The following BCL2L11 variants were observed in gnomAD, a reference collection of about 807,000 sequenced individuals.
BCL2L11 encodes the protein bcl-2-like protein 11.
In BCL2L11, 15 loss-of-function variants were observed where a neutral mutation model predicts 20.6. The ratio of observed to expected loss-of-function variants is 0.73; its 90% CI spans 0.49 to 1.12. The LOEUF (loss-of-function observed/expected upper bound fraction) is 1.12. Among genes scored for constraint, BCL2L11 ranks in the 50% most tolerant of loss-of-function variants. The probability of loss-of-function intolerance (pLI) is 0.00; values close to 1 mark genes in which losing one functional copy is unlikely to be tolerated. For missense variants in BCL2L11, 292 were observed against 260.9 expected (o/e 1.12, Z -0.82); for synonymous variants, 108 against 92.8 (o/e 1.16, Z -0.94).
chr2:111,123,145 G>GGGAGGGAGCACGGGC (rs2071565876), intron 1 of BCL2L11: 1 of 985,018 alleles, frequency 1.0e-6, no homozygotes, highest in East Asian at 1.1e-4. Flanking sequence ...GGGAGCGGGA[G>GGGAGGGAGCACGGGC]GGAGGGAGCA....
chr2:111,136,424 G>C (rs2074903271), intron 2 of BCL2L11, among the ~76,000 whole-genome samples: 1 of 152,194 alleles, frequency 6.6e-6, no homozygotes, highest in South Asian at 2.1e-4. Context: ...TTTCAGTTGG[G>C]AGAGGAAGGA....
At chr2:111,127,320 A>T (rs760273277) in intron 2 of BCL2L11, among the ~76,000 whole-genome samples, 2 of 151,950 alleles carry the variant, frequency 1.3e-5, no homozygotes, top group African/African-American at 2.4e-5. Flanking sequence ...AAAAGTCAGG[A>T]TATGGAGGAA....
chr2:111,152,108 G>C (rs2077326387), intron 3 of BCL2L11, among the ~76,000 whole-genome samples: 2 of 152,182 alleles, frequency 1.3e-5, no homozygotes, highest in South Asian at 4.1e-4. Flanking sequence ...TAAGAGGGTA[G>C]GTGAATACAC....
At chr2:111,126,789 T>C (rs1319345752) in intron 2 of BCL2L11, among the ~76,000 whole-genome samples, 1 of 152,178 alleles carries the variant, frequency 6.6e-6, no homozygotes, top group Non-Finnish European at 1.5e-5. Flanking sequence ...AAAGAAGTCA[T>C]TATGATTGGT....
At chr2:111,143,823 ATAAT>A (rs750038892) in intron 2 of BCL2L11, among the ~76,000 whole-genome samples, 1 of 152,186 alleles carries the variant, frequency 6.6e-6, no homozygotes, top group Non-Finnish European at 1.5e-5. Context: ...GGTGACATGG[ATAAT>A]TAGTTTTTCT....
chr2:111,149,621 T>C (rs920900806), intron 2 of BCL2L11, among the ~76,000 whole-genome samples: 7 of 152,218 alleles, frequency 4.6e-5, no homozygotes, highest in African/African-American at 1.7e-4. Context: ...TGTTTGAAAG[T>C]TATATAGGAA....
intron 2 of BCL2L11, among the ~76,000 whole-genome samples, chr2:111,124,803 A>C (rs2072164300): frequency 6.6e-6 from 1 of 152,248 alleles, no homozygotes; most frequent in South Asian, 2.1e-4. Context: ...ATTTTTGAAA[A>C]TAACACTTTT....
chr2:111,128,886 G>A, intron 2 of BCL2L11: 1 of 1,332,468 alleles, frequency 7.5e-7, no homozygotes, highest in East Asian at 2.6e-5. Flanking sequence ...ATGGCTACTA[G>A]AAAAATGCAC....
chr2:111,155,331 T>C (rs1003879616), intron 3 of BCL2L11, among the ~76,000 whole-genome samples: 1 of 152,180 alleles, frequency 6.6e-6, no homozygotes, highest in Non-Finnish European at 1.5e-5. Context: ...GGTTGCCAGT[T>C]TCTTTCATCA....
chr2:111,140,322 A>G (rs549601074), intron 2 of BCL2L11, among the ~76,000 whole-genome samples: 2 of 152,322 alleles, frequency 1.3e-5, no homozygotes, highest in South Asian at 4.1e-4. Context: ...CGTTCAATAT[A>G]AGGATTTCAG....
intron 2 of BCL2L11, among the ~76,000 whole-genome samples, chr2:111,133,707 G>A (rs2074346575): frequency 6.6e-6 from 1 of 152,162 alleles, no homozygotes; most frequent in Admixed American, 6.5e-5. Flanking sequence ...CTGCTATTGG[G>A]TAGAGTGTTC....
intron 2 of BCL2L11, among the ~76,000 whole-genome samples, chr2:111,126,483 A>G (rs528620273): frequency 3.9e-4 from 60 of 152,240 alleles, no homozygotes; most frequent in African/African-American, 1.4e-3. Flanking sequence ...TACCGAGGTA[A>G]GTTTTCAGTG....
rs573909592 is a variant in BCL2L11, at chr2:111,162,204, A to C, written c.499-1929A>C. ...TTTCTGGGCTGGCACGGCTCTTTGA[A>C]TCCGTGGTAATGGCTTCCTCTGTTG... On this transcript the variant is annotated intron_variant, in intron 3 of 3. Transcript: ENST00000393256. Among the ~76,000 whole-genome samples, 3 of 152,268 alleles carry C rather than the reference A, an allele frequency of 2.0e-5. No individual in the cohort carries two copies. The South Asian group carries it at 6.2e-4, about 32-fold the overall frequency.
In BCL2L11 at chr2:111,150,145, A is replaced by C. The variant is rs1411833536; in HGVS notation, c.496A>C (p.Arg166=). The stretch of plus-strand genomic sequence containing the variant: ...CGAGTTTAACGCTTACTATGCAAGG[A>C]GGGTAATGATGTTTTCTTTACCCGC... The part of the protein sequence containing the change: ...GDEFNAYYAR[R]VFLNNYQAAE... The change falls in exon 3 of 4, where the codon AGG becomes CGG. Residue 166 remains arginine, a splice_region_variant and synonymous_variant. Coordinates refer to ENST00000393256, the MANE Select transcript of BCL2L11 (RefSeq NM_138621.5). The C allele has an allele frequency of 6.2e-7, 1 of 1,613,576 alleles. No homozygotes were observed. Among genetic ancestry groups the C allele is most frequent in the South Asian group, 1.1e-5 (1 of 91,066 alleles).
At chr2:111,159,219 C>CT (rs1489083703) in intron 3 of BCL2L11, among the ~76,000 whole-genome samples, 1 of 152,222 alleles carries the variant, frequency 6.6e-6, no homozygotes, top group Non-Finnish European at 1.5e-5. Context: ...TTCTTTCCTG[C>CT]TTCTGGCATT....
intron 3 of BCL2L11, among the ~76,000 whole-genome samples, chr2:111,151,371 T>C (rs2077237103): frequency 6.6e-6 from 1 of 152,260 alleles, no homozygotes; most frequent in South Asian, 2.1e-4. Context: ...TCAGTTGATT[T>C]ATCCAAAAGG....
intron 3 of BCL2L11, 28 bp downstream of exon 3, chr2:111,150,175 C>G (rs770191892): frequency 5.6e-6 from 9 of 1,609,244 alleles, no homozygotes; most frequent in Non-Finnish European, 7.6e-6. Flanking sequence ...ACCCGCTTTT[C>G]TGCTCACACC....
In BCL2L11 at chr2:111,166,941, C is replaced by T. The variant is rs2079050817; in HGVS notation, c.*2710C>T. On this transcript the variant is annotated 3_prime_UTR_variant, in exon 4 of 4. Coordinates refer to ENST00000393256, the MANE Select transcript of BCL2L11 (RefSeq NM_138621.5). ...AAATGTCTGTGTGCAATTGTGTTTC[C>T]TTTACCTTGTAAAATTTTGTACAGC... 1 of 152,502 alleles carries T rather than the reference C, an allele frequency of 6.6e-6. No homozygotes were observed. Among genetic ancestry groups the T allele is most frequent in the African/African-American group, 2.4e-5 (1 of 41,392 alleles). The allele number at this position is 152,502 out of a possible 1,614,324, so 9.4% of individuals were successfully genotyped here.
intron 2 of BCL2L11, among the ~76,000 whole-genome samples, chr2:111,136,317 C>G (rs771309455): frequency 6.6e-6 from 1 of 152,176 alleles, no homozygotes; most frequent in Non-Finnish European, 1.5e-5. Context: ...TCCCTCAAGT[C>G]CTGAGGTCCC....
Sources: gnomAD v4.1 joint callset for allele counts (sites outside exome capture counted in the v4.1 genomes callset) on GRCh38, gnomAD v4.1.1 for gene constraint, MANE v1.5 for transcripts, NCBI Gene and HGNC (gene_info 2026-07-23, HGNC 2026-07-21) for gene names.